PPIP5K2: variants seen among roughly 807,000 people sequenced by gnomAD.
PPIP5K2 encodes inositol hexakisphosphate and diphosphoinositol-pentakisphosphate kinase 2.
In PPIP5K2, 105 loss-of-function variants were observed where a neutral mutation model predicts 154.6. The ratio of observed to expected loss-of-function variants is 0.68; its 90% CI spans 0.58 to 0.80. The LOEUF (loss-of-function observed/expected upper bound fraction) is 0.80, where lower values mean the gene tolerates loss of function less well. PPIP5K2 is among the 30% of genes least tolerant of loss of function. The probability of loss-of-function intolerance (pLI) is 0.00; values close to 1 mark genes in which losing one functional copy is unlikely to be tolerated. For missense variants in PPIP5K2, 992 were observed against 1,504.6 expected, an observed-to-expected ratio of 0.66 and a Z score of 5.64; for synonymous variants, 480 against 490.3, an observed-to-expected ratio of 0.98 and a Z score of 0.28.
Position 103,208,839 on chromosome 5 carries a change from G to A in PPIP5K2, c.*7205G>A, listed in dbSNP as rs543895244. 1 of 151,986 alleles carries A rather than the reference G, an allele frequency of 6.6e-6. No homozygotes were observed. Among genetic ancestry groups the A allele is most frequent in the Non-Finnish European group, 1.5e-5 (1 of 68,002 alleles). The allele number at this position is 151,986 out of a possible 1,614,324, so 9.4% of individuals were successfully genotyped here. On this transcript the variant is annotated 3_prime_UTR_variant, in exon 31 of 31. Coordinates refer to ENST00000358359, the MANE Select transcript of PPIP5K2 (RefSeq NM_001276277.3). ...CTCTATCTCCTATTTTGGGGTTGAG[G>A]TTAAAGTGTCTTCTAGTTTTGTTGA...
At chr5:103,121,619 T>C (rs1788754919) in intron 1 of PPIP5K2, among the ~76,000 whole-genome samples, 1 of 152,246 alleles carries the variant, frequency 6.6e-6, no homozygotes, top group Non-Finnish European at 1.5e-5. Flanking sequence ...TGACAAAAGT[T>C]AGACATGATC....
At chr5:103,144,409 C>T (rs1456256848) in intron 5 of PPIP5K2, among the ~76,000 whole-genome samples, 1 of 151,916 alleles carries the variant, frequency 6.6e-6, no homozygotes, top group Non-Finnish European at 1.5e-5. Context: ...ACATTCTTCA[C>T]AGAAATAGAA....
chr5:103,151,425 A>G, intron 9 of PPIP5K2, 51 bp downstream of exon 9: 2 of 1,382,534 alleles, frequency 1.4e-6, no homozygotes, highest in Non-Finnish European at 2.0e-6. Flanking sequence ...GTTATTCAGA[A>G]ACCAAATAAC....
At chr5:103,174,477 G>T (rs554505931) in intron 21 of PPIP5K2, among the ~76,000 whole-genome samples, 1 of 151,958 alleles carries the variant, frequency 6.6e-6, no homozygotes, top group Non-Finnish European at 1.5e-5. Flanking sequence ...TCAGACAGTG[G>T]CTGGGTCTCA....
intron 19 of PPIP5K2, among the ~76,000 whole-genome samples, chr5:103,170,262 C>T (rs1797775666): frequency 1.3e-5 from 2 of 151,458 alleles, no homozygotes; most frequent in African/African-American, 4.8e-5. Context: ...CCAGAAGAAG[C>T]ACTAAAGATT....
chr5:103,144,862 C>A (rs899729168), intron 5 of PPIP5K2, among the ~76,000 whole-genome samples: 1 of 152,050 alleles, frequency 6.6e-6, no homozygotes, highest in Non-Finnish European at 1.5e-5. Flanking sequence ...GCAAAAATTT[C>A]TTGAGTAAGA....
chr5:103,184,929 G>A (rs1800133599), intron 26 of PPIP5K2, among the ~76,000 whole-genome samples, 185 bp downstream of exon 26: 4 of 152,090 alleles, frequency 2.6e-5, no homozygotes, highest in African/African-American at 9.7e-5. Context: ...AGAAGAGATA[G>A]CATTTAATTT....
chr5:103,196,151 GC>G (rs1199778631), intron 30 of PPIP5K2, among the ~76,000 whole-genome samples: 1 of 152,066 alleles, frequency 6.6e-6, no homozygotes, highest in Non-Finnish European at 1.5e-5. Flanking sequence ...TAGCATTCAT[GC>G]CATTTTTTTC....
At chr5:103,122,494 G>T (rs1472812909) in intron 1 of PPIP5K2, among the ~76,000 whole-genome samples, 1 of 152,160 alleles carries the variant, frequency 6.6e-6, no homozygotes, top group African/African-American at 2.4e-5. Flanking sequence ...GAAGGAAAAA[G>T]AAATCAACAA....
At chr5:103,151,452 T>C in intron 9 of PPIP5K2, 78 bp downstream of exon 9, 1 of 1,229,220 alleles carries the variant, frequency 8.1e-7, no homozygotes, top group Non-Finnish European at 1.1e-6. Flanking sequence ...CATTAAATGA[T>C]CAGGGTTTTT....
rs74879921 is a variant in PPIP5K2 at position 103,156,112 on chromosome 5, A to C, written c.1489+118A>C. The C allele has an allele frequency of 5.8e-4, 360 of 621,672 alleles. 2 individuals are homozygous for C. The African/African-American group carries it at 6.5e-3, about 11-fold the overall frequency. 38.5% of individuals were successfully genotyped at this position (621,672 alleles called of 1,614,324 possible). A position where few individuals can be genotyped will look rare whatever the true frequency, so the allele number is the denominator to read the frequency against. The stretch of plus-strand genomic sequence containing the variant: ...TTAGGGAATGGCATGGTGAGGAAAA[A>C]TAAAGTGGAATTATCTTAGCTGTGC... On this transcript the variant is annotated intron_variant, in intron 14 of 30. Transcript: ENST00000358359.
At chr5:103,188,181 A>C (rs1800697959) in intron 28 of PPIP5K2, among the ~76,000 whole-genome samples, 1 of 152,196 alleles carries the variant, frequency 6.6e-6, no homozygotes, top group Admixed American at 6.6e-5. Flanking sequence ...AGAGCTTGAT[A>C]TTGTGGGGCA....
chr5:103,165,520 A>G (rs1359333576), intron 17 of PPIP5K2, among the ~76,000 whole-genome samples: 2 of 152,128 alleles, frequency 1.3e-5, no homozygotes, highest in African/African-American at 4.8e-5. Context: ...AGTTTGAGGC[A>G]CTAACAAGAG....
At position 103,168,173 on chromosome 5, in the gene PPIP5K2, A is replaced by T. The variant is rs1319042720; in HGVS notation, c.2164A>T (p.Lys722Ter). The T allele has an allele frequency of 6.2e-7, 1 of 1,608,592 alleles. No homozygotes were observed. Residue 722 changes from lysine (K) to a stop codon, truncating the protein, a stop_gained, in exon 19 of 31, where the codon AAA becomes TAA. Transcript: ENST00000358359. LOFTEE classifies it high-confidence loss of function. ...AAAGAATGGAAGATATGATATTAGT[A>T]AAATCCCTGACATATATGACTGTAT... The part of the protein sequence containing the change: ...KTKNGRYDIS[K>*]IPDIYDCIKY...
intron 1 of PPIP5K2, among the ~76,000 whole-genome samples, chr5:103,125,634 C>T (rs1210996031): frequency 6.6e-6 from 1 of 151,954 alleles, no homozygotes; most frequent in East Asian, 1.9e-4. Flanking sequence ...TCATCTCCTT[C>T]TATTTTCTTG....
Position 103,158,558 on chromosome 5 carries a change from A to AGCT in PPIP5K2, c.1726_1728dup (p.Ala576dup). 1 of 1,591,948 alleles carries AGCT rather than the reference A, an allele frequency of 6.3e-7. No individual in the cohort carries two copies. Among genetic ancestry groups the AGCT allele is most frequent in the South Asian group, 1.2e-5 (1 of 86,064 alleles). On this transcript the variant is annotated inframe_insertion, in exon 16 of 31. Transcript: ENST00000358359. ...ATGAAGGACGAGTCCAGATGACTGCAGCTGCTTTTGCAAAGGTATAAATAA... is the reference window on the plus strand; with the variant it reads ...ATGAAGGACGAGTCCAGATGACTGCAGCTGCTGCTTTTGCAAAGGTATAAATAA...
intron 3 of PPIP5K2, among the ~76,000 whole-genome samples, chr5:103,134,944 A>G (rs573001631): frequency 5.3e-4 from 81 of 152,322 alleles, no homozygotes; most frequent in African/African-American, 1.8e-3. Flanking sequence ...GGAGTTTAGG[A>G]ATAAATCTGA....
At chr5:103,124,787 G>A (rs1789374993) in intron 1 of PPIP5K2, among the ~76,000 whole-genome samples, 1 of 152,124 alleles carries the variant, frequency 6.6e-6, no homozygotes. Context: ...AAAGGCTGAG[G>A]CAATTAATTT....
chr5:103,168,080 C>T lies in PPIP5K2; in HGVS notation c.2071C>T (p.Leu691Phe). Reference protein sequence around the residue: ...MEDPKSSDIQLYHSETLELML... With the variant: ...MEDPKSSDIQFYHSETLELML... ...ATGTTATGTTGTTTTAGATATTCAG[C>T]TTTACCATAGTGAAACATTGGAGCT... The change falls in exon 19 of 31, where the codon CTT becomes TTT. Residue 691 changes from leucine (L) to phenylalanine (F), a missense_variant. Physicochemically the swap from Leu to Phe is conservative, Grantham distance 22 (BLOSUM62 0). This residue lies in a region of PPIP5K2 where 157 missense variants were observed against 281.2 expected (regional missense o/e 0.56). Coordinates refer to ENST00000358359, the MANE Select transcript of PPIP5K2 (RefSeq NM_001276277.3). 1 of 1,600,690 alleles carries T rather than the reference C, an allele frequency of 6.2e-7. No homozygotes were observed. The highest frequency in any genetic ancestry group is 8.5e-7 in the Non-Finnish European group (1 of 1,171,764).
Sources: gnomAD v4.1 joint callset for allele counts (sites outside exome capture counted in the v4.1 genomes callset) on GRCh38, gnomAD v4.1.1 for gene constraint, gnomAD v4.1.1 regional missense constraint, MANE v1.5 for transcripts, NCBI Gene and HGNC (gene_info 2026-07-23, HGNC 2026-07-21) for gene names.